RPA1: variants seen among roughly 807,000 people sequenced by gnomAD.
The protein encoded by RPA1 is replication protein A1.
Under a neutral mutation model 83.0 loss-of-function variants are expected in RPA1, and 49 were observed. That is an observed-to-expected ratio of 0.59 (90% CI 0.47 to 0.75). The LOEUF (loss-of-function observed/expected upper bound fraction) is 0.75, where lower values mean the gene tolerates loss of function less well. RPA1 is among the 30% of genes least tolerant of loss of function. The pLI is 0.00. For synonymous variants in RPA1, 279 were observed against 281.8 expected, an observed-to-expected ratio of 0.99 and a Z score of 0.10; for missense variants, 693 against 776.1, an observed-to-expected ratio of 0.89 and a Z score of 1.27.
At chr17:1,875,622 AT>A in intron 6 of RPA1, 38 bp from the exon 7 acceptor site, 1 of 1,086,154 alleles carries the variant, frequency 9.2e-7, no homozygotes, top group Non-Finnish European at 1.2e-6. Context: ...GCTAAGTAGA[AT>A]AGTAATAACT....
At chr17:1,851,890 T>G (rs1912509640) in intron 4 of RPA1, among the ~76,000 whole-genome samples, 3 of 152,206 alleles carry the variant, frequency 2.0e-5, no homozygotes, top group African/African-American at 7.2e-5. Flanking sequence ...AAATCCAAAT[T>G]ATAGCAGTCA....
At chr17:1,845,586 C>A (rs973295143) in intron 4 of RPA1, among the ~76,000 whole-genome samples, 1 of 152,080 alleles carries the variant, frequency 6.6e-6, no homozygotes, top group African/African-American at 2.4e-5. Flanking sequence ...CAAGTTACTG[C>A]ATGCTAGAGA....
At chr17:1,837,769 G>T (rs761038790) in intron 1 of RPA1, among the ~76,000 whole-genome samples, 1 of 152,120 alleles carries the variant, frequency 6.6e-6, no homozygotes, top group Non-Finnish European at 1.5e-5. Context: ...TAAAAATTGG[G>T]TTTTGTGCTT....
chr17:1,835,985 AAG>A (rs1911803310), intron 1 of RPA1, among the ~76,000 whole-genome samples: 1 of 152,124 alleles, frequency 6.6e-6, no homozygotes, highest in Non-Finnish European at 1.5e-5. Context: ...AGAAGAAAGA[AAG>A]AGGTGTTTAA....
rs17292468 is a variant in RPA1, at chr17:1,894,587, C to G, written c.1660-422C>G. On this transcript the variant is annotated intron_variant, in intron 15 of 16. Transcript: ENST00000254719. ...ACAGTTTAGTGGCGTTAGGTACATT[C>G]ACATTACTGTGCCCCTGTCACCACC... Among the ~76,000 whole-genome samples the G allele has an allele frequency of 1.5e-3, 233 of 152,314 alleles. 2 individuals are homozygous for G. Among genetic ancestry groups the G allele is most frequent in the African/African-American group, 2.5e-3 (105 of 41,556 alleles).
Position 1,884,937 on chromosome 17 carries a change from C to T in RPA1, c.1374+993C>T, listed in dbSNP as rs181416570. Among the ~76,000 whole-genome samples the T allele has an allele frequency of 1.7e-4, 26 of 152,276 alleles. No homozygotes were observed. The highest frequency in any genetic ancestry group is 5.8e-4 in the African/African-American group (24 of 41,552). On this transcript the variant is annotated intron_variant, in intron 13 of 16. Transcript: ENST00000254719. This position sits in a 1 kb window ranked among gnomAD's most constrained non-coding sequence, Gnocchi z 4.1. ...TTCAGGGTTGATGGCTGAGCAGTCACGGCGATGGTTGCTGAACATCGGCGT... is the reference window on the plus strand; with the variant it reads ...TTCAGGGTTGATGGCTGAGCAGTCATGGCGATGGTTGCTGAACATCGGCGT...
chr17:1,892,035 C>G (rs1343569301), intron 15 of RPA1, 95 bp downstream of exon 15: 8 of 729,518 alleles, frequency 1.1e-5, no homozygotes, highest in African/African-American at 1.8e-5. Context: ...GAGATGGAGT[C>G]TTGCCCTGTT....
At chr17:1,833,255 C>T (rs191774240) in intron 1 of RPA1, among the ~76,000 whole-genome samples, 17 of 152,306 alleles carry the variant, frequency 1.1e-4, no homozygotes, top group African/African-American at 3.8e-4. Flanking sequence ...ATGAGGCCTG[C>T]AATCATGTCT....
chr17:1,846,467 A>T (rs1912261399), intron 4 of RPA1, among the ~76,000 whole-genome samples: 1 of 151,052 alleles, frequency 6.6e-6, no homozygotes, highest in South Asian at 2.1e-4. Flanking sequence ...ACAGGCGCCC[A>T]CCACCACGCC....
At chr17:1,831,131 C>T (rs1423310279) in intron 1 of RPA1, among the ~76,000 whole-genome samples, 3 of 152,118 alleles carry the variant, frequency 2.0e-5, no homozygotes, top group Non-Finnish European at 4.4e-5. Context: ...TGTACAGAGC[C>T]ACCTTTACTC....
intron 15 of RPA1, 58 bp downstream of exon 15, chr17:1,891,998 A>G: frequency 2.5e-6 from 3 of 1,190,520 alleles, no homozygotes; most frequent in Non-Finnish European, 3.6e-6. Context: ...ATTCTATAAC[A>G]CTGACCCCAC....
At position 1,879,644 on chromosome 17, in the gene RPA1, T is replaced by C. The variant is rs1913705570; in HGVS notation, c.1037T>C (p.Ile346Thr). 1.2e-6 allele frequency: 2 copies of C among 1,614,230 alleles called. No homozygotes were observed. The highest frequency in any genetic ancestry group is 2.2e-5 in the South Asian group (2 of 91,088). ...SNNREVAKRNIYLMDTSGKVV... is the reference protein window; with the variant it reads ...SNNREVAKRNTYLMDTSGKVV... ...AACAGAGAAGTTGCCAAGAGGAATA[T>C]CTACTTGATGGACACATCCGGGAAG... The change falls in exon 11 of 17, where the codon ATC becomes ACC. Residue 346 changes from isoleucine (I) to threonine (T), a missense_variant. By Grantham distance (89) the Ile-to-Thr change is moderately conservative. Coordinates refer to ENST00000254719, the MANE Select transcript of RPA1 (RefSeq NM_002945.5).
chr17:1,857,263 T>A (rs1267302532), intron 5 of RPA1, among the ~76,000 whole-genome samples: 1 of 119,142 alleles, frequency 8.4e-6, no homozygotes, highest in African/African-American at 3.8e-5. Context: ...TTCTTTTTCT[T>A]TTTCTTTTTT....
At chr17:1,871,432 T>C (rs1913373010) in intron 5 of RPA1, among the ~76,000 whole-genome samples, 1 of 152,036 alleles carries the variant, frequency 6.6e-6, no homozygotes, top group Non-Finnish European at 1.5e-5. Context: ...AACTCAGCAG[T>C]TGGAGAAGGC....
chr17:1,865,555 A>C (rs549152141), intron 5 of RPA1, among the ~76,000 whole-genome samples: 1 of 152,226 alleles, frequency 6.6e-6, no homozygotes, highest in African/African-American at 2.4e-5. Context: ...ATGTAGTTAC[A>C]TGATTTAAAG....
chr17:1,853,637 C>T (rs1358103804), intron 5 of RPA1, among the ~76,000 whole-genome samples: 4 of 152,058 alleles, frequency 2.6e-5, no homozygotes, highest in Admixed American at 6.6e-5. Flanking sequence ...GAGCCGAGAT[C>T]GTGCCACTGC....
chr17:1,839,442 C>T (rs1362960874), intron 1 of RPA1, among the ~76,000 whole-genome samples: 1 of 151,952 alleles, frequency 6.6e-6, no homozygotes, highest in Non-Finnish European at 1.5e-5. Flanking sequence ...TCTCCTACCT[C>T]AGCCTCCTGA....
Position 1,878,975 on chromosome 17 carries a change from G to T in RPA1, c.691-18G>T. 1 of 1,614,126 alleles carries T rather than the reference G, an allele frequency of 6.2e-7. No individual in the cohort carries two copies. Among genetic ancestry groups the T allele is most frequent in the Non-Finnish European group, 8.5e-7 (1 of 1,179,954 alleles). ...GTGTTCAATCCCGCAGCCCTAACCT[G>T]CCCACGTGCTTCTGCAGGGTGAAAT... is the stretch of plus-strand genomic sequence containing the variant. On this transcript the variant is annotated intron_variant, in intron 8 of 16. Coordinates refer to ENST00000254719, the MANE Select transcript of RPA1 (RefSeq NM_002945.5).
rs1157719215 is a variant in RPA1, at chr17:1,872,580, T to C, written c.454+54T>C. 13 of 1,591,882 alleles carry C rather than the reference T, an allele frequency of 8.2e-6. No individual in the cohort carries two copies. In the Admixed American group the frequency reaches 1.3e-4, roughly 15 times the overall value. On this transcript the variant is annotated intron_variant, in intron 6 of 16. Coordinates refer to ENST00000254719, the MANE Select transcript of RPA1 (RefSeq NM_002945.5). Reference sequence around the variant, plus strand: ...CCAGGGGTGTCAGACTTCGGAATCATGTTTTGAAGTTGAATCTGGGACTAA... The same window carrying C: ...CCAGGGGTGTCAGACTTCGGAATCACGTTTTGAAGTTGAATCTGGGACTAA...
Sources: gnomAD v4.1 joint callset for allele counts (sites outside exome capture counted in the v4.1 genomes callset) on GRCh38, gnomAD v4.1.1 for gene constraint, Gnocchi (gnomAD v3.1) non-coding constraint, MANE v1.5 for transcripts, NCBI Gene and HGNC (gene_info 2026-07-23, HGNC 2026-07-21) for gene names.